The following KDR variants were observed in gnomAD, a reference collection of about 807,000 sequenced individuals.
KDR encodes the protein vascular endothelial growth factor receptor 2.
Under a neutral mutation model 160.9 loss-of-function variants are expected in KDR, and 43 were observed. That is an observed-to-expected ratio of 0.27 (90% CI 0.21 to 0.34). KDR has a LOEUF of 0.34. KDR is among the 10% of genes least tolerant of loss of function. KDR has a pLI of 1.00. For synonymous variants in KDR, 617 were observed against 600.1 expected (o/e 1.03, Z -0.41); for missense variants, 1,469 against 1,666.4 (o/e 0.88, Z 2.06).
intron 29 of KDR, among the ~76,000 whole-genome samples, chr4:55,080,797 T>G (rs150682682): frequency 2.6e-3 from 399 of 152,336 alleles, no homozygotes; most frequent in African/African-American, 9.0e-3. Flanking sequence ...ACGGTAATCA[T>G]GTCAAAGCCT....
At chr4:55,115,183 C>T (rs542118008) in intron 4 of KDR, 98 bp downstream of exon 4, 1 of 1,288,498 alleles carries the variant, frequency 7.8e-7, no homozygotes, top group South Asian at 1.2e-5. Context: ...CTAAAGGATC[C>T]TTAAAACTCA....
intron 7 of KDR, 23 bp downstream of exon 7, chr4:55,113,281 T>C: frequency 6.2e-7 from 1 of 1,611,744 alleles, no homozygotes; most frequent in Non-Finnish European, 8.5e-7. Context: ...AGGCACAGAA[T>C]AATTTCCAAG....
chr4:55,083,793 C>T (rs1467532969), intron 27 of KDR, among the ~76,000 whole-genome samples: 2 of 152,194 alleles, frequency 1.3e-5, no homozygotes, highest in African/African-American at 4.8e-5. Context: ...CCCCAAGAGG[C>T]TGGTTCCTCC....
At chr4:55,081,617 C>T (rs1272988029) in intron 29 of KDR, among the ~76,000 whole-genome samples, 1 of 152,136 alleles carries the variant, frequency 6.6e-6, no homozygotes, top group African/African-American at 2.4e-5. Flanking sequence ...TCTTCAGAGT[C>T]CACAAAGATT....
intron 27 of KDR, 27 bp downstream of exon 27, chr4:55,087,580 C>G: frequency 1.2e-6 from 2 of 1,611,938 alleles, no homozygotes; most frequent in Non-Finnish European, 1.7e-6. Context: ...CACCCTCCCC[C>G]GGGGGATGTT....
chr4:55,079,796 G>A lies in KDR; in HGVS notation c.*145C>T. On this transcript the variant is annotated 3_prime_UTR_variant, in exon 30 of 30. Coordinates refer to ENST00000263923, the MANE Select transcript of KDR (RefSeq NM_002253.4). ...CTTCCAGGATATGCCTAGAAGACTG[G>A]CTCCCTGCAGTCCGAGGTCCTTTTT... 2 of 736,818 alleles carry A rather than the reference G, an allele frequency of 2.7e-6. No homozygotes were observed. The highest frequency in any genetic ancestry group is 1.5e-5 in the South Asian group (1 of 65,040). The allele number at this position is 736,818 out of a possible 1,614,324, so 45.6% of individuals were successfully genotyped here.
chr4:55,123,358 A>G (rs1228563058), intron 1 of KDR, among the ~76,000 whole-genome samples: 1 of 152,222 alleles, frequency 6.6e-6, no homozygotes, highest in East Asian at 1.9e-4. Context: ...ATGATTCTCA[A>G]TAAACTGTGC....
chr4:55,106,866 C>A (rs1401043967), intron 10 of KDR, 56 bp from the exon 11 acceptor site: 1 of 1,434,094 alleles, frequency 7.0e-7, no homozygotes, highest in African/African-American at 1.4e-5. Context: ...TAATTAGAGT[C>A]AAGAGTAAGG....
chr4:55,104,464 C>T (rs1331483033), intron 13 of KDR, 179 bp downstream of exon 13: 32 of 648,860 alleles, frequency 4.9e-5, no homozygotes, highest in Non-Finnish European at 2.8e-5. Context: ...TTTCTCCTTT[C>T]GATATATCAT....
At chr4:55,117,858 C>G (rs1720772910) in intron 3 of KDR, among the ~76,000 whole-genome samples, 1 of 152,106 alleles carries the variant, frequency 6.6e-6, no homozygotes, top group Non-Finnish European at 1.5e-5. Context: ...GTTAGGTTTT[C>G]ACAGAAAAGA....
chr4:55,116,417 CAAAAAA>C (rs66997115), intron 3 of KDR, among the ~76,000 whole-genome samples: 1 of 94,748 alleles, frequency 1.1e-5, no homozygotes, highest in Non-Finnish European at 2.1e-5. Flanking sequence ...AACTCCGTCT[CAAAAAA>C]AAAAAAAAAA....
At chr4:55,098,885 G>A (rs1041447169) in intron 15 of KDR, 82 bp from the exon 16 acceptor site, 12 of 1,031,974 alleles carry the variant, frequency 1.2e-5, no homozygotes, top group Middle Eastern at 4.1e-4. Flanking sequence ...TAGCACTAAA[G>A]CAAAATCCCA....
chr4:55,087,439 C>G (rs1719890908), intron 27 of KDR, among the ~76,000 whole-genome samples, 168 bp downstream of exon 27: 1 of 152,180 alleles, frequency 6.6e-6, no homozygotes, highest in Admixed American at 6.5e-5. Context: ...GCACACCTAC[C>G]CAGGCCCTCT....
At chr4:55,099,858 G>A (rs1720265970) in intron 15 of KDR, among the ~76,000 whole-genome samples, 3 of 152,278 alleles carry the variant, frequency 2.0e-5, no homozygotes, top group African/African-American at 4.8e-5. Flanking sequence ...TGTGGCAGGA[G>A]TCTGAGTGAG....
Position 55,113,453 on chromosome 4 carries a change from T to A in KDR, c.827A>T (p.Asp276Val). Residue 276 changes from aspartate to valine, a missense_variant, in exon 7 of 30, where the codon GAC becomes GTC. Coordinates refer to ENST00000263923, the MANE Select transcript of KDR (RefSeq NM_002253.4). Reference protein sequence around the residue: ...KHQHKKLVNRDLKTQSGSEMK... With the variant: ...KHQHKKLVNRVLKTQSGSEMK... ...CTCACTCCCAGACTGGGTTTTTAGGTCTCGGTTTACAAGTTTCTTATGCTG... is the reference window on the plus strand; with the variant it reads ...CTCACTCCCAGACTGGGTTTTTAGGACTCGGTTTACAAGTTTCTTATGCTG... The A allele has an allele frequency of 6.2e-7, 1 of 1,614,010 alleles. No homozygotes were observed. The highest frequency in any genetic ancestry group is 8.5e-7 in the Non-Finnish European group (1 of 1,179,938).
chr4:55,090,254 A>G (rs1295438403), intron 22 of KDR, among the ~76,000 whole-genome samples, 176 bp from the exon 23 acceptor site: 1 of 152,214 alleles, frequency 6.6e-6, no homozygotes, highest in African/African-American at 2.4e-5. Flanking sequence ...TTGCTGAGAC[A>G]CACATCTGCT....
chr4:55,105,379 C>A (rs1382974527), intron 12 of KDR, among the ~76,000 whole-genome samples: 1 of 152,202 alleles, frequency 6.6e-6, no homozygotes, highest in East Asian at 1.9e-4. Context: ...TTCCATTCAG[C>A]ACAATCAGCT....
At chr4:55,102,158 G>A in intron 14 of KDR, 130 bp from the exon 15 acceptor site, 1 of 1,357,472 alleles carries the variant, frequency 7.4e-7, no homozygotes, top group Non-Finnish European at 1.0e-6. Context: ...AGTCACATGG[G>A]ATCTACTGCT....
intron 5 of KDR, 32 bp from the exon 6 acceptor site, chr4:55,114,297 G>T: frequency 1.2e-6 from 2 of 1,607,616 alleles, no homozygotes; most frequent in South Asian, 2.2e-5. Flanking sequence ...AACAGAACAT[G>T]AGAGAGCAAA....
Sources: gnomAD v4.1 joint callset for allele counts (sites outside exome capture counted in the v4.1 genomes callset) on GRCh38, gnomAD v4.1.1 for gene constraint, MANE v1.5 for transcripts, NCBI Gene and HGNC (gene_info 2026-07-23, HGNC 2026-07-21) for gene names.